The following DPY19L2 variants were observed in gnomAD, a reference collection of about 807,000 sequenced individuals.
The protein encoded by DPY19L2 is dpy-19 like 2.
A neutral mutation model predicts 97.9 loss-of-function variants in DPY19L2; 34 were observed. That is an observed-to-expected ratio of 0.35 (90% CI 0.26 to 0.46). The LOEUF (loss-of-function observed/expected upper bound fraction) is 0.46, where lower values mean the gene tolerates loss of function less well. DPY19L2 is among the 20% of genes least tolerant of loss of function. The probability of loss-of-function intolerance (pLI) is 1.00; values close to 1 mark genes in which losing one functional copy is unlikely to be tolerated. For missense variants in DPY19L2, 623 were observed against 911.4 expected (o/e 0.68, Z 4.07); for synonymous variants, 230 against 307.9 (o/e 0.75, Z 2.65).
At chr12:63,650,199 C>T (rs1235170336) in intron 4 of DPY19L2, among the ~76,000 whole-genome samples, 6 of 151,974 alleles carry the variant, frequency 3.9e-5, no homozygotes, top group Admixed American at 3.9e-4. Context: ...TATGAAAAAC[C>T]CATAGCCAAC....
At chr12:63,589,539 G>C (rs1324280338) in intron 16 of DPY19L2, among the ~76,000 whole-genome samples, 4 of 151,944 alleles carry the variant, frequency 2.6e-5, no homozygotes, top group African/African-American at 9.7e-5. Context: ...CCTCATTAGA[G>C]GGGGAAAGGT....
At chr12:63,666,006 A>G in intron 1 of DPY19L2, 147 bp from the exon 2 acceptor site, 1 of 803,578 alleles carries the variant, frequency 1.2e-6, no homozygotes, top group Non-Finnish European at 1.9e-6. Flanking sequence ...CTAAGAGCAT[A>G]GGAAAAAATC....
At chr12:63,572,677 C>T (rs1253368517) in intron 19 of DPY19L2, among the ~76,000 whole-genome samples, 1 of 151,998 alleles carries the variant, frequency 6.6e-6, no homozygotes, top group Non-Finnish European at 1.5e-5. Context: ...TAGTGGTGGC[C>T]ACAGAGATGC....
At chr12:63,576,629 C>T (rs1321917119) in intron 19 of DPY19L2, among the ~76,000 whole-genome samples, 4 of 151,502 alleles carry the variant, frequency 2.6e-5, no homozygotes, top group East Asian at 1.9e-4. Flanking sequence ...AAATCATTAA[C>T]GTTTCTATAT....
At chr12:63,642,716 A>C (rs1892872538) in intron 6 of DPY19L2, among the ~76,000 whole-genome samples, 1 of 151,880 alleles carries the variant, frequency 6.6e-6, no homozygotes, top group African/African-American at 2.4e-5. Context: ...TTCATAATAC[A>C]GCAACAATTG....
At chr12:63,668,621 G>A (rs1456003885), upstream of DPY19L2, 13 of 545,890 alleles carry the variant, frequency 2.4e-5, no homozygotes, top group Non-Finnish European at 1.3e-5. Context: ...CCCAGCGCGA[G>A]CAGCACCCCC....
intron 16 of DPY19L2, among the ~76,000 whole-genome samples, chr12:63,587,420 C>A (rs944247801): frequency 1.3e-5 from 2 of 151,738 alleles, no homozygotes; most frequent in Non-Finnish European, 2.9e-5. Flanking sequence ...TAACTTTGAA[C>A]TTCCCCTAAA....
At chr12:63,636,789 C>A (rs1213000723) in intron 6 of DPY19L2, among the ~76,000 whole-genome samples, 2 of 152,018 alleles carry the variant, frequency 1.3e-5, no homozygotes, top group Non-Finnish European at 2.9e-5. Context: ...ATAAAGCAAG[C>A]CCTTAGAGAC....
chr12:63,626,418 T>C (rs774132631), intron 7 of DPY19L2, 51 bp downstream of exon 7: 2 of 1,512,516 alleles, frequency 1.3e-6, no homozygotes, highest in Admixed American at 4.9e-5. Context: ...TATTTCCTTG[T>C]TCCTCTACAG....
intron 1 of DPY19L2, among the ~76,000 whole-genome samples, chr12:63,667,190 T>A (rs1377332659): frequency 1.3e-5 from 2 of 152,186 alleles, no homozygotes; most frequent in East Asian, 3.8e-4. Flanking sequence ...AACTGTTTAT[T>A]AGGCTTCATT....
rs780092860 is a variant in DPY19L2 at position 63,668,338 on chromosome 12, G to C, written c.56C>G (p.Ser19Cys). 4.3e-6 allele frequency: 7 copies of C among 1,613,668 alleles called. No homozygotes were observed. Among genetic ancestry groups the C allele is most frequent in the Non-Finnish European group, 5.9e-6 (7 of 1,179,880 alleles). The change falls in exon 1 of 22, where the codon TCT becomes TGT. Residue 19 changes from serine to cysteine, a missense_variant. This residue lies in a region of DPY19L2 where 144 missense variants were observed against 119.4 expected (regional missense o/e 1.21). Transcript: ENST00000324472. ...GAGGGAGGCCCCGCGCCGCCCCTTA[G>C]ACTGGCTGCGGCCGGAAGATTGCAG... ...KRLQSSGRSQ[S>C]KGRRGASLAR... is the part of the protein sequence containing the mutation.
At chr12:63,655,021 C>T (rs1894780445) in intron 4 of DPY19L2, among the ~76,000 whole-genome samples, 1 of 151,980 alleles carries the variant, frequency 6.6e-6, no homozygotes, top group Non-Finnish European at 1.5e-5. Flanking sequence ...AAAGACCCTG[C>T]TTAAGAGAAT....
At chr12:63,604,709 TTC>T (rs1885752383) in intron 12 of DPY19L2, among the ~76,000 whole-genome samples, 1 of 152,094 alleles carries the variant, frequency 6.6e-6, no homozygotes, top group Non-Finnish European at 1.5e-5. Flanking sequence ...AAAAAAAAAA[TTC>T]TGTGGTGAGC....
chr12:63,653,334 C>T (rs1267738508), intron 4 of DPY19L2, among the ~76,000 whole-genome samples: 3 of 151,998 alleles, frequency 2.0e-5, no homozygotes, highest in Non-Finnish European at 4.4e-5. Context: ...GCCAGGCAGG[C>T]AGATTGCTTG....
intron 4 of DPY19L2, among the ~76,000 whole-genome samples, chr12:63,656,467 T>C (rs1894988319): frequency 6.6e-6 from 1 of 152,204 alleles, no homozygotes; most frequent in African/African-American, 2.4e-5. Flanking sequence ...CTTTAATGCG[T>C]TTACATTTAC....
intron 19 of DPY19L2, among the ~76,000 whole-genome samples, chr12:63,577,399 T>TG (rs200245637): frequency 0.013 from 1,960 of 152,050 alleles, 44 homozygotes; most frequent in African/African-American, 0.044. Context: ...AGTAAATACC[T>TG]GGGAAGCACA....
intron 5 of DPY19L2, 43 bp from the exon 6 acceptor site, chr12:63,644,539 C>T: frequency 6.3e-7 from 1 of 1,591,426 alleles, no homozygotes; most frequent in East Asian, 2.2e-5. Context: ...GAATATATGA[C>T]TCTAAGGCAA....
chr12:63,588,345 C>A (rs1222934016), intron 16 of DPY19L2, among the ~76,000 whole-genome samples: 1 of 152,148 alleles, frequency 6.6e-6, no homozygotes, highest in Non-Finnish European at 1.5e-5. Context: ...CTCTACTCTA[C>A]AAATGGAACA....
chr12:63,648,196 G>A (rs4044867), intron 4 of DPY19L2, among the ~76,000 whole-genome samples: 90,999 of 151,828 alleles, frequency 0.6, 27,423 homozygotes, highest in East Asian at 0.74. Context: ...ATCTGCTGGC[G>A]CCTTGATCTT....
Sources: gnomAD v4.1 joint callset for allele counts (sites outside exome capture counted in the v4.1 genomes callset) on GRCh38, gnomAD v4.1.1 for gene constraint, gnomAD v4.1.1 regional missense constraint, MANE v1.5 for transcripts, NCBI Gene and HGNC (gene_info 2026-07-23, HGNC 2026-07-21) for gene names.